Variants in MCMBP observed in about 807,000 individuals in gnomAD.
MCMBP encodes the protein minichromosome maintenance complex binding protein, also known as mini-chromosome maintenance complex-binding protein.
A neutral mutation model predicts 81.3 loss-of-function variants in MCMBP; 31 were observed. The observed-to-expected ratio is 0.38, with a 90% CI of 0.29 to 0.51. The LOEUF (loss-of-function observed/expected upper bound fraction) is 0.51. MCMBP is among the 20% of genes least tolerant of loss of function. The probability of loss-of-function intolerance (pLI) is 0.87; values close to 1 mark genes in which losing one functional copy is unlikely to be tolerated. For synonymous variants in MCMBP, 267 were observed against 275.9 expected (o/e 0.97, Z 0.32); for missense variants, 645 against 772.1 (o/e 0.84, Z 1.95).
chr10:119,848,166 TAA>T (rs61603072), intron 7 of MCMBP, among the ~76,000 whole-genome samples: 16 of 138,596 alleles, frequency 1.2e-4, no homozygotes, highest in South Asian at 2.2e-4. Context: ...TTTCACAATT[TAA>T]AAAAAAAAAA....
intron 1 of MCMBP, among the ~76,000 whole-genome samples, chr10:119,872,124 C>A (rs1264209636): frequency 1.3e-5 from 2 of 152,170 alleles, no homozygotes; most frequent in African/African-American, 4.8e-5. Flanking sequence ...TTCCCACAGG[C>A]AAAGTGGTTT....
At chr10:119,850,704 G>T (rs776893714) in intron 6 of MCMBP, among the ~76,000 whole-genome samples, 3 of 139,678 alleles carry the variant, frequency 2.1e-5, no homozygotes, top group Non-Finnish European at 4.5e-5. Context: ...AGCAGAGATT[G>T]CACCACTGCA....
Position 119,843,236 on chromosome 10 carries a change from T to C in MCMBP, c.1000+18A>G, listed in dbSNP as rs150311061. On this transcript the variant is annotated intron_variant, in intron 9 of 15. Transcript: ENST00000369077. ...GCTAACAGTCGATAGTTGACTAGGC[T>C]GTAACACTTACACTTACAGGTTTTG... The C allele has an allele frequency of 4.2e-4, 681 of 1,613,094 alleles. 3 individuals carry two copies. In the African/African-American group the frequency reaches 8.2e-3, roughly 19 times the overall value.
At chr10:119,857,529 A>G in intron 4 of MCMBP, 90 bp from the exon 5 acceptor site, 1 of 662,482 alleles carries the variant, frequency 1.5e-6, no homozygotes, top group Admixed American at 2.9e-5. Flanking sequence ...TCACATTATA[A>G]CACCACAGCA....
In MCMBP at chr10:119,832,657, C is replaced by T. The variant is rs1852089752; in HGVS notation, c.1708-557G>A. 3.3e-5 allele frequency among the ~76,000 whole-genome samples: 5 copies of T among 152,048 alleles called. No homozygotes were observed. The South Asian group carries it at 8.3e-4, about 25-fold the overall frequency. Reference sequence around the variant, plus strand: ...TAGGGCTCCTTCCAAGTGCCATTCCCGGAGAACTGTCATCTGACCACCTGT... The same window carrying T: ...TAGGGCTCCTTCCAAGTGCCATTCCTGGAGAACTGTCATCTGACCACCTGT... On this transcript the variant is annotated intron_variant, in intron 14 of 15. Coordinates refer to ENST00000369077, the MANE Select transcript of MCMBP (RefSeq NM_001256378.2).
rs766236785 is a variant in MCMBP, at chr10:119,842,539, G to A, written c.1057C>T (p.Leu353Phe). Residue 353 changes from leucine to phenylalanine, a missense_variant, in exon 10 of 16, where the codon CTT (leucine) becomes TTT (phenylalanine). Coordinates refer to ENST00000369077, the MANE Select transcript of MCMBP (RefSeq NM_001256378.2). ...SPVRAELLGF[L>F]THALLGDSLA... The stretch of plus-strand genomic sequence containing the variant: ...CTATCCCCCAGAAGGGCATGAGTAA[G>A]GAACCCAAGAAGTTCTGCTCTGACT... 1.7e-5 allele frequency: 27 copies of A among 1,613,818 alleles called. No homozygotes were observed. The highest frequency in any genetic ancestry group is 2.3e-5 in the Non-Finnish European group (27 of 1,179,902).
In MCMBP at chr10:119,853,050, CTGCT is replaced by C; in HGVS notation, c.570_573del (p.Ala191GlyfsTer15). 6.2e-7 allele frequency: 1 copy of C among 1,614,078 alleles called. No individual in the cohort carries two copies. The highest frequency in any genetic ancestry group is 8.5e-7 in the Non-Finnish European group (1 of 1,179,978). ...GAGAAAACCTGTTGGCACACACTAC[CTGCT>C]TGTCTGGCACCTGCATGTTGGTCTT... On this transcript the variant is annotated frameshift_variant and splice_region_variant, in exon 6 of 16. Transcript: ENST00000369077. LOFTEE classifies it high-confidence loss of function.
intron 5 of MCMBP, among the ~76,000 whole-genome samples, chr10:119,857,097 C>CAAAAAAAAAAA (rs34331152): frequency 1.2e-5 from 1 of 82,494 alleles, no homozygotes; most frequent in Non-Finnish European, 2.4e-5. Context: ...GTCCCTATCT[C>CAAAAAAAAAAA]AAAAAAAAAA....
At chr10:119,838,105 C>T (rs375918705) in intron 12 of MCMBP, among the ~76,000 whole-genome samples, 7 of 151,932 alleles carry the variant, frequency 4.6e-5, no homozygotes, top group African/African-American at 1.7e-4. Context: ...CAACCATTCG[C>T]TGACACAATA....
chr10:119,872,393 A>G, intron 1 of MCMBP, 134 bp downstream of exon 1: 1 of 362,060 alleles, frequency 2.8e-6, no homozygotes, highest in Non-Finnish European at 4.4e-6. Flanking sequence ...GGGCCGGTGC[A>G]GGCCCCGGGG....
chr10:119,853,258 A>T, intron 5 of MCMBP, 64 bp from the exon 6 acceptor site: 1 of 1,497,228 alleles, frequency 6.7e-7, no homozygotes, highest in Non-Finnish European at 9.0e-7. Flanking sequence ...TTTGCTAATT[A>T]TATGACTTAT....
chr10:119,871,578 T>C (rs910987701), intron 1 of MCMBP, among the ~76,000 whole-genome samples: 10 of 152,194 alleles, frequency 6.6e-5, no homozygotes, highest in Admixed American at 3.3e-4. Context: ...GCCGTCGATT[T>C]TGGCTGCTGA....
chr10:119,859,323 G>A (rs1372743295), intron 2 of MCMBP, 142 bp from the exon 3 acceptor site: 3 of 673,900 alleles, frequency 4.5e-6, no homozygotes, highest in Non-Finnish European at 7.0e-6. Flanking sequence ...ACATCAGAGA[G>A]CCAAATGATC....
chr10:119,855,620 G>A (rs932488918), intron 5 of MCMBP, among the ~76,000 whole-genome samples: 1 of 151,920 alleles, frequency 6.6e-6, no homozygotes, highest in Non-Finnish European at 1.5e-5. Flanking sequence ...GCAGTGAGCC[G>A]AGATTGTGCC....
At chr10:119,868,083 A>C (rs1305236476) in intron 1 of MCMBP, among the ~76,000 whole-genome samples, 1 of 152,200 alleles carries the variant, frequency 6.6e-6, no homozygotes, top group Non-Finnish European at 1.5e-5. Context: ...AAAGAAGCTT[A>C]AATATAACGA....
At chr10:119,835,105 T>G (rs1430644730) in intron 14 of MCMBP, among the ~76,000 whole-genome samples, 1 of 152,148 alleles carries the variant, frequency 6.6e-6, no homozygotes, top group Non-Finnish European at 1.5e-5. Context: ...CTAAATGTGT[T>G]GATGGACATA....
chr10:119,849,628 A>C, intron 6 of MCMBP, 52 bp from the exon 7 acceptor site: 1 of 1,486,928 alleles, frequency 6.7e-7, no homozygotes, highest in Non-Finnish European at 8.9e-7. Flanking sequence ...CCTCCTGGAG[A>C]AAAAGAACAT....
intron 10 of MCMBP, among the ~76,000 whole-genome samples, chr10:119,841,816 C>T (rs749508888): frequency 1.1e-4 from 17 of 152,242 alleles, no homozygotes; most frequent in Non-Finnish European, 2.1e-4. Context: ...CCACGTTAAA[C>T]GTGCACATGA....
rs372338008 is a variant in MCMBP, at chr10:119,867,292, C to CAA, written c.58+5233_58+5234dup. Among the ~76,000 whole-genome samples the CAA allele has an allele frequency of 1.2e-3, 58 of 48,736 alleles. 3 individuals are homozygous for CAA. The highest frequency in any genetic ancestry group is 4.5e-3 in the African/African-American group (50 of 11,198). The allele number at this position is 48,736 out of a possible 152,430, so 32.0% of individuals were successfully genotyped here. A position where few individuals can be genotyped will look rare whatever the true frequency, so the allele number is the denominator to read the frequency against. On this transcript the variant is annotated intron_variant, in intron 1 of 15. Transcript: ENST00000369077. ...TGGGCGACAGAGCGAGACTCCATCT[C>CAA]AAAAAAAAAAAAAAAAAAAAAAAAA...
Sources: gnomAD v4.1 joint callset for allele counts (sites outside exome capture counted in the v4.1 genomes callset) on GRCh38, gnomAD v4.1.1 for gene constraint, MANE v1.5 for transcripts, NCBI Gene and HGNC (gene_info 2026-07-23, HGNC 2026-07-21) for gene names.